Variants in SLC1A2 observed in about 807,000 individuals in gnomAD.
SLC1A2 encodes the protein solute carrier family 1 member 2.
Under a neutral mutation model 48.8 loss-of-function variants are expected in SLC1A2, and 15 were observed. The ratio of observed to expected loss-of-function variants is 0.31; its 90% CI spans 0.21 to 0.47. The LOEUF (loss-of-function observed/expected upper bound fraction) is 0.47, where lower values mean the gene tolerates loss of function less well. Among genes scored for constraint, SLC1A2 ranks in the 20% least tolerant of loss-of-function variants. The pLI is 0.99. For missense variants in SLC1A2, 502 were observed against 730.5 expected, an observed-to-expected ratio of 0.69 and a Z score of 3.61; for synonymous variants, 279 against 272.6, an observed-to-expected ratio of 1.02 and a Z score of -0.23.
chr11:35,292,144 T>C (rs1481248350), intron 7 of SLC1A2, 143 bp downstream of exon 7: 2 of 690,056 alleles, frequency 2.9e-6, no homozygotes, highest in African/African-American at 1.8e-5. Flanking sequence ...AAAATTCAAA[T>C]CATTCGCCTT....
At chr11:35,323,440 T>C (rs1286004955) in intron 1 of SLC1A2, 1 of 152,244 alleles carries the variant, frequency 6.6e-6, no homozygotes, top group Non-Finnish European at 1.5e-5. Context: ...ATCAATAAGG[T>C]TTAAGTATCA....
chr11:35,418,761 G>A, intron 1 of SLC1A2, 189 bp downstream of exon 1: 2 of 595,580 alleles, frequency 3.4e-6, no homozygotes, highest in East Asian at 6.1e-5. Flanking sequence ...CATTTTCAAA[G>A]GATTAAGCAG....
At chr11:35,360,636 T>C (rs573412728) in intron 1 of SLC1A2, among the ~76,000 whole-genome samples, 14 of 152,334 alleles carry the variant, frequency 9.2e-5, no homozygotes, top group African/African-American at 3.4e-4. Context: ...GATCTTTTCT[T>C]GATGCTTAAA....
At chr11:35,315,366 C>A in intron 2 of SLC1A2, 191 bp from the exon 3 acceptor site, 1 of 480,126 alleles carries the variant, frequency 2.1e-6, no homozygotes, top group Non-Finnish European at 3.8e-6. Context: ...TTCTATACCT[C>A]CAACTATTCT....
chr11:35,309,825 CCT>C (rs1851630578), intron 4 of SLC1A2, among the ~76,000 whole-genome samples: 1 of 152,138 alleles, frequency 6.6e-6, no homozygotes, highest in African/African-American at 2.4e-5. Flanking sequence ...CTGTAACCAT[CCT>C]CTCCCTGAGG....
At chr11:35,292,656 T>C in intron 6 of SLC1A2, 136 bp from the exon 7 acceptor site, 2 of 594,466 alleles carry the variant, frequency 3.4e-6, no homozygotes, top group South Asian at 4.7e-5. Flanking sequence ...GAAAAGTTCA[T>C]GTTATTTTTT....
intron 4 of SLC1A2, among the ~76,000 whole-genome samples, chr11:35,309,717 C>T (rs1446324057): frequency 1.0e-5 from 1 of 98,988 alleles, no homozygotes; most frequent in African/African-American, 2.9e-5. Flanking sequence ...CAGAAGATGT[C>T]TCTCACGCAC....
chr11:35,306,310 G>T, intron 4 of SLC1A2, 68 bp from the exon 5 acceptor site: 1 of 1,237,316 alleles, frequency 8.1e-7, no homozygotes. Flanking sequence ...AAAAAAGATT[G>T]GCTACTCATA....
chr11:35,418,229 C>A (rs1292612046), intron 1 of SLC1A2: 1 of 152,226 alleles, frequency 6.6e-6, no homozygotes, highest in East Asian at 1.9e-4. Flanking sequence ...GGGAGCTTTC[C>A]CCATGCCAGC....
Position 35,266,583 on chromosome 11 carries a change from T to C in SLC1A2, c.1422-825A>G, listed in dbSNP as rs115127007. Among the ~76,000 whole-genome samples, 365 of 152,314 alleles carry C rather than the reference T, an allele frequency of 2.4e-3. 2 individuals are homozygous for C. Among genetic ancestry groups the C allele is most frequent in the African/African-American group, 7.5e-3 (313 of 41,572 alleles). On this transcript the variant is annotated intron_variant, in intron 9 of 10. Coordinates refer to ENST00000278379, the MANE Select transcript of SLC1A2 (RefSeq NM_004171.4). ...GTGCCAGGAAAGCTAATTAAATTCT[T>C]AAGAGTAAGTTTTCTCCTCTCATCC... is the stretch of plus-strand genomic sequence containing the variant.
At chr11:35,380,783 T>C (rs540938815) in intron 1 of SLC1A2, among the ~76,000 whole-genome samples, 10 of 152,290 alleles carry the variant, frequency 6.6e-5, no homozygotes, top group African/African-American at 2.4e-4. Flanking sequence ...TGCTTCGCTG[T>C]TTGTTTTGAG....
intron 1 of SLC1A2, among the ~76,000 whole-genome samples, chr11:35,406,279 A>G (rs1855290433): frequency 6.6e-6 from 1 of 152,208 alleles, no homozygotes; most frequent in Admixed American, 6.5e-5. Context: ...ATTAGGATCT[A>G]GGAGGACATG....
chr11:35,259,435 TATTCAATAAAAAAGGATAGTA>T lies in SLC1A2; in HGVS notation c.*1438_*1458del. ...GCAACCTTAGGAAAATACTGTGCGT[TATTCAATAAAAAAGGATAGTA>T]GAGACATTAAAAATTTTAGCTTGCA... On this transcript the variant is annotated 3_prime_UTR_variant, in exon 11 of 11. Coordinates refer to ENST00000278379, the MANE Select transcript of SLC1A2 (RefSeq NM_004171.4). 1 of 152,786 alleles carries T rather than the reference TATTCAATAAAAAAGGATAGTA, an allele frequency of 6.5e-6. No individual in the cohort carries two copies. Among genetic ancestry groups the T allele is most frequent in the South Asian group, 2.1e-4 (1 of 4,826 alleles). 9.5% of individuals were successfully genotyped at this position (152,786 alleles called of 1,614,324 possible). A position where few individuals can be genotyped will look rare whatever the true frequency, so the allele number is the denominator to read the frequency against.
At chr11:35,306,311 G>T in intron 4 of SLC1A2, 69 bp from the exon 5 acceptor site, 4 of 1,241,348 alleles carry the variant, frequency 3.2e-6, no homozygotes, top group East Asian at 4.7e-5. Flanking sequence ...AAAAAGATTG[G>T]CTACTCATAT....
intron 1 of SLC1A2, among the ~76,000 whole-genome samples, chr11:35,389,860 A>G (rs545221461): frequency 2.0e-5 from 3 of 152,038 alleles, no homozygotes; most frequent in East Asian, 1.9e-4. Flanking sequence ...TGATCCTCCC[A>G]CCTCAGCCTC....
At chr11:35,420,396 C>T (rs1855756451), upstream of SLC1A2, 1 of 152,284 alleles carries the variant, frequency 6.6e-6, no homozygotes, top group Admixed American at 6.5e-5. Flanking sequence ...ACTGCAGGAA[C>T]CTAGGGTCCC....
chr11:35,268,408 G>A (rs150452331), intron 9 of SLC1A2, among the ~76,000 whole-genome samples: 24 of 152,176 alleles, frequency 1.6e-4, no homozygotes, highest in Middle Eastern at 3.4e-3. Flanking sequence ...TGGGCATGGC[G>A]GCTCATGCCT....
At chr11:35,269,640 G>C (rs1041666658) in intron 9 of SLC1A2, among the ~76,000 whole-genome samples, 1 of 152,190 alleles carries the variant, frequency 6.6e-6, no homozygotes, top group African/African-American at 2.4e-5. Flanking sequence ...TCCAGAAGCA[G>C]CCACTGAAGC....
chr11:35,304,331 G>C (rs1851439957), intron 5 of SLC1A2, among the ~76,000 whole-genome samples: 1 of 152,138 alleles, frequency 6.6e-6, no homozygotes, highest in Non-Finnish European at 1.5e-5. Context: ...GGAGAAGACT[G>C]AGGAACACTT....
Sources: gnomAD v4.1 joint callset for allele counts (sites outside exome capture counted in the v4.1 genomes callset) on GRCh38, gnomAD v4.1.1 for gene constraint, MANE v1.5 for transcripts, NCBI Gene and HGNC (gene_info 2026-07-23, HGNC 2026-07-21) for gene names.